The following ITGB1BP1 variants were observed in gnomAD, a reference collection of about 807,000 sequenced individuals.
The protein encoded by ITGB1BP1 is integrin beta-1-binding protein 1.
In ITGB1BP1, 20 loss-of-function variants were observed where a neutral mutation model predicts 28.0. The ratio of observed to expected loss-of-function variants is 0.71; its 90% CI spans 0.50 to 1.04. The LOEUF (loss-of-function observed/expected upper bound fraction) is 1.04. Among genes scored for constraint, ITGB1BP1 ranks in the 50% least tolerant of loss-of-function variants. The pLI, the probability that ITGB1BP1 is intolerant of heterozygous loss-of-function variation, is 0.00. For synonymous variants in ITGB1BP1, 103 were observed against 89.5 expected, an observed-to-expected ratio of 1.15 and a Z score of -0.85; for missense variants, 228 against 242.5, an observed-to-expected ratio of 0.94 and a Z score of 0.40.
In ITGB1BP1 at chr2:9,406,639, A is replaced by T. The variant is rs1677422163; in HGVS notation, c.*195T>A. ...TGAAGTTTTTTAGCCCAGAAAATAG[A>T]TGACTTCATTGAGAGTTAACTCACT... is the stretch of plus-strand genomic sequence containing the variant. On this transcript the variant is annotated 3_prime_UTR_variant, in exon 7 of 7. Transcript: ENST00000355346. 1.7e-6 allele frequency: 1 copy of T among 577,592 alleles called. No homozygotes were observed. Among genetic ancestry groups the T allele is most frequent in the Non-Finnish European group, 3.1e-6 (1 of 323,096 alleles). The allele number at this position is 577,592 out of a possible 1,614,324, so 35.8% of individuals were successfully genotyped here.
At position 9,408,424 on chromosome 2, in the gene ITGB1BP1, G is replaced by T; in HGVS notation, c.289-219C>A. On this transcript the variant is annotated intron_variant, in intron 4 of 6. Coordinates refer to ENST00000355346, the MANE Select transcript of ITGB1BP1 (RefSeq NM_004763.5). ...TATTTTTGAGACAGAGTCTCACTCT[G>T]TCGCCCAGGCTATAGTGCAGTGGCA... 1.5e-5 allele frequency: 7 copies of T among 478,674 alleles called. No individual in the cohort carries two copies. In the South Asian group the frequency reaches 1.7e-4, roughly 11 times the overall value. 29.7% of individuals were successfully genotyped at this position (478,674 alleles called of 1,614,324 possible).
Position 9,414,200 on chromosome 2 carries a change from G to A in ITGB1BP1, c.129C>T (p.Asp43=). The A allele has an allele frequency of 6.2e-7, 1 of 1,614,004 alleles. No individual in the cohort carries two copies. The highest frequency in any genetic ancestry group is 2.2e-5 in the East Asian group (1 of 44,876). ...LSRSSTVASL[D]TDSTKSSGQS... is the part of the protein sequence containing the mutation. Reference sequence around the variant, plus strand: ...TACCTGAGCTTTTGGTGGAATCTGTGTCGAGGCTGGCCACAGTGCTGGATC... The same window carrying A: ...TACCTGAGCTTTTGGTGGAATCTGTATCGAGGCTGGCCACAGTGCTGGATC... Residue 43 remains aspartate, a synonymous_variant, in exon 3 of 7, where the codon GAC becomes GAT. Coordinates refer to ENST00000355346, the MANE Select transcript of ITGB1BP1 (RefSeq NM_004763.5).
chr2:9,408,306 C>A, intron 4 of ITGB1BP1, 101 bp from the exon 5 acceptor site: 1 of 727,334 alleles, frequency 1.4e-6, no homozygotes, highest in East Asian at 2.6e-5. Flanking sequence ...AGCCCAAACC[C>A]TTTAAAGAAT....
chr2:9,418,720 C>G lies in ITGB1BP1; in HGVS notation c.-23G>C. The G allele has an allele frequency of 6.2e-7, 1 of 1,612,748 alleles. No individual in the cohort carries two copies. Among genetic ancestry groups the G allele is most frequent in the Non-Finnish European group, 8.5e-7 (1 of 1,179,120 alleles). Reference sequence around the variant, plus strand: ...CATTTTTCACCACCATTGCTTGATCCAGAGAAGATCCCCTGAAAAAACAAA... The same window carrying G: ...CATTTTTCACCACCATTGCTTGATCGAGAGAAGATCCCCTGAAAAAACAAA... On this transcript the variant is annotated 5_prime_UTR_variant, in exon 2 of 7. Transcript: ENST00000355346.
chr2:9,406,948 C>T, intron 6 of ITGB1BP1, 43 bp from the exon 7 acceptor site: 1 of 1,465,276 alleles, frequency 6.8e-7, no homozygotes, highest in South Asian at 1.1e-5. Flanking sequence ...ATTCATCTGT[C>T]TCTTCGTGAA....
At chr2:9,409,922 G>A in intron 4 of ITGB1BP1, among the ~76,000 whole-genome samples, 1 of 143,108 alleles carries the variant, frequency 7.0e-6, no homozygotes, top group East Asian at 2.1e-4. Context: ...TCGGCTCACT[G>A]CAACCTCCAC....
rs867219233 is a variant in ITGB1BP1 at position 9,415,248 on chromosome 2, G to A, written c.73-992C>T. Among the ~76,000 whole-genome samples, 3 of 152,086 alleles carry A rather than the reference G, an allele frequency of 2.0e-5. No individual in the cohort carries two copies. Among genetic ancestry groups the A allele is most frequent in the Non-Finnish European group, 2.9e-5 (2 of 68,032 alleles). ...ACAAAAATTAGCTGGGCATGGTGGCGGGCACTTATAATCCTAGCTACTCGG... is the reference window on the plus strand; with the variant it reads ...ACAAAAATTAGCTGGGCATGGTGGCAGGCACTTATAATCCTAGCTACTCGG... On this transcript the variant is annotated intron_variant, in intron 2 of 6. Coordinates refer to ENST00000355346, the MANE Select transcript of ITGB1BP1 (RefSeq NM_004763.5). This position sits in a 1 kb window ranked among gnomAD's most constrained non-coding sequence, Gnocchi z 4.1.
At chr2:9,411,418 GC>G (rs1381869344) in intron 4 of ITGB1BP1, among the ~76,000 whole-genome samples, 2 of 152,038 alleles carry the variant, frequency 1.3e-5, no homozygotes, top group Non-Finnish European at 2.9e-5. Context: ...GGATTGATCA[GC>G]CCCATAAAAA....
intron 1 of ITGB1BP1, among the ~76,000 whole-genome samples, chr2:9,421,488 C>A (rs1372069228): frequency 6.6e-6 from 1 of 152,048 alleles, no homozygotes; most frequent in Non-Finnish European, 1.5e-5. Context: ...GAGATCGAGA[C>A]CATCCTGGCT....
intron 5 of ITGB1BP1, 26 bp downstream of exon 5, chr2:9,408,087 T>C: frequency 1.6e-6 from 2 of 1,250,074 alleles, no homozygotes; most frequent in Middle Eastern, 2.7e-4. Context: ...TAAAACATAG[T>C]TTTCTTAATA....
chr2:9,420,986 A>G (rs1427214789), intron 1 of ITGB1BP1, among the ~76,000 whole-genome samples: 1 of 152,226 alleles, frequency 6.6e-6, no homozygotes, highest in Non-Finnish European at 1.5e-5. Context: ...CTTGTCAGTG[A>G]GAGATGGCAG....
At chr2:9,417,620 T>C (rs990931388) in intron 2 of ITGB1BP1, among the ~76,000 whole-genome samples, 1 of 152,122 alleles carries the variant, frequency 6.6e-6, no homozygotes, top group Admixed American at 6.5e-5. Context: ...GGTTTCACCA[T>C]GTTGGCCAGG....
rs1677185034 is a variant in ITGB1BP1, at chr2:9,405,740, A to G, written c.*1094T>C. ...TTTGTATATTGACAGTCCTTTAAAA[A>G]AAGTACACTATCATACTGTACATGG... On this transcript the variant is annotated 3_prime_UTR_variant, in exon 7 of 7. Transcript: ENST00000355346. 1 of 152,220 alleles carries G rather than the reference A, an allele frequency of 6.6e-6. No individual in the cohort carries two copies. The highest frequency in any genetic ancestry group is 1.5e-5 in the Non-Finnish European group (1 of 68,050). The allele number at this position is 152,220 out of a possible 1,614,324, so 9.4% of individuals were successfully genotyped here. A position where few individuals can be genotyped will look rare whatever the true frequency, so the allele number is the denominator to read the frequency against.
In ITGB1BP1 at chr2:9,405,770, T is replaced by C. The variant is rs1677190974; in HGVS notation, c.*1064A>G. 1 of 152,258 alleles carries C rather than the reference T, an allele frequency of 6.6e-6. No homozygotes were observed. The highest frequency in any genetic ancestry group is 2.1e-4 in the South Asian group (1 of 4,838). The allele number at this position is 152,258 out of a possible 1,614,324, so 9.4% of individuals were successfully genotyped here. A position where few individuals can be genotyped will look rare whatever the true frequency, so the allele number is the denominator to read the frequency against. The stretch of plus-strand genomic sequence containing the variant: ...ACACTATCATACTGTACATGGGATC[T>C]TTACATACTTTTAGCATGAGCGGTA... On this transcript the variant is annotated 3_prime_UTR_variant, in exon 7 of 7. Transcript: ENST00000355346.
At chr2:9,417,263 A>C (rs28568480) in intron 2 of ITGB1BP1, among the ~76,000 whole-genome samples, 1 of 150,586 alleles carries the variant, frequency 6.6e-6, no homozygotes, top group African/African-American at 2.4e-5. Flanking sequence ...ACACAGGCTC[A>C]CTCCTCCCAT....
intron 1 of ITGB1BP1, among the ~76,000 whole-genome samples, chr2:9,419,117 G>C (rs1181327886): frequency 6.6e-6 from 1 of 152,180 alleles, no homozygotes; most frequent in Non-Finnish European, 1.5e-5. Flanking sequence ...ATCACTTTAT[G>C]CAAAATAGAA....
chr2:9,414,337 T>C, intron 2 of ITGB1BP1, 81 bp from the exon 3 acceptor site: 1 of 939,910 alleles, frequency 1.1e-6, no homozygotes, highest in Non-Finnish European at 1.7e-6. Context: ...ATTCACATCA[T>C]TTATTAGAGT....
At chr2:9,408,751 T>C (rs1677900312) in intron 4 of ITGB1BP1, among the ~76,000 whole-genome samples, 1 of 152,226 alleles carries the variant, frequency 6.6e-6, no homozygotes, top group Admixed American at 6.5e-5. Flanking sequence ...AGTGCTGGCA[T>C]TACAGGCATG....
At chr2:9,422,640 T>G in intron 1 of ITGB1BP1, 1 of 985,544 alleles carries the variant, frequency 1.0e-6, no homozygotes, top group Non-Finnish European at 1.2e-6. Flanking sequence ...GCTCGGTGAC[T>G]CCTCTGCATT....
Sources: allele counts gnomAD v4.1 joint callset (sites outside exome capture counted in the v4.1 genomes callset), GRCh38; gene constraint gnomAD v4.1.1; non-coding constraint Gnocchi (gnomAD v3.1); transcripts MANE v1.5; gene names NCBI Gene and HGNC (gene_info 2026-07-23, HGNC 2026-07-21).